The following BCR variants were observed in gnomAD, a reference collection of about 807,000 sequenced individuals.
BCR encodes the protein BCR activator of RhoGEF and GTPase.
In BCR, 58 loss-of-function variants were observed where a neutral mutation model predicts 138.6. The ratio of observed to expected loss-of-function variants is 0.42; its 90% confidence interval spans 0.34 to 0.52. BCR has a LOEUF of 0.52. BCR is among the 20% of genes least tolerant of loss of function. BCR has a pLI of 0.06. For synonymous variants in BCR, 786 were observed against 730.1 expected (o/e 1.08, Z -1.23); for missense variants, 1,599 against 1,727.2 (o/e 0.93, Z 1.32).
intron 15 of BCR, among the ~76,000 whole-genome samples, chr22:23,293,814 C>T (rs1470025905): frequency 2.0e-5 from 3 of 152,232 alleles, no homozygotes; most frequent in Non-Finnish European, 2.9e-5. Context: ...ACACCCACCC[C>T]CTCCCCTATT....
chr22:23,309,972 A>G (rs187883471), intron 17 of BCR: 5 of 384,978 alleles, frequency 1.3e-5, no homozygotes, highest in Non-Finnish European at 2.5e-5. Context: ...GTGCACCTAT[A>G]GTCTCAGCTA....
At chr22:23,241,400 G>A (rs1470876051) in intron 1 of BCR, among the ~76,000 whole-genome samples, 1 of 152,208 alleles carries the variant, frequency 6.6e-6, no homozygotes, top group Non-Finnish European at 1.5e-5. Context: ...ACCCACAGGT[G>A]TGCAGCGGCC....
intron 2 of BCR, among the ~76,000 whole-genome samples, chr22:23,260,112 G>T (rs1250263359): frequency 6.6e-6 from 1 of 152,238 alleles, no homozygotes; most frequent in African/African-American, 2.4e-5. Flanking sequence ...GAATTTGAGT[G>T]GGGAGGGGAG....
chr22:23,313,740 T>C (rs1161265527), intron 20 of BCR, among the ~76,000 whole-genome samples: 4 of 152,146 alleles, frequency 2.6e-5, no homozygotes, highest in Non-Finnish European at 5.9e-5. Context: ...TGCTGCTGTT[T>C]GCCGGGTGCT....
chr22:23,289,968 T>C, intron 13 of BCR: 1 of 503,934 alleles, frequency 2.0e-6, no homozygotes, highest in South Asian at 2.2e-5. Flanking sequence ...CAGCCGGCAC[T>C]TTTGGTCAAG....
chr22:23,282,624 G>A (rs557761752), intron 8 of BCR, among the ~76,000 whole-genome samples: 2 of 152,354 alleles, frequency 1.3e-5, no homozygotes, highest in Middle Eastern at 3.4e-3. Context: ...CAGGCTGCAG[G>A]TGACAGCAGG....
intron 18 of BCR, 111 bp from the exon 19 acceptor site, chr22:23,311,586 C>G: frequency 1.2e-6 from 1 of 831,430 alleles, no homozygotes; most frequent in Non-Finnish European, 1.9e-6. Context: ...ACCTGGGTAC[C>G]TTCGTCACCG....
rs1248658677 is a variant in BCR, at chr22:23,260,996, T to G, written c.1508T>G (p.Leu503Arg). 1 of 1,613,912 alleles carries G rather than the reference T, an allele frequency of 6.2e-7. No homozygotes were observed. Residue 503 changes from leucine to arginine, a missense_variant, in exon 3 of 23, where the codon CTG becomes CGG. By Grantham distance (102) the Leu-to-Arg change is moderately radical (BLOSUM62 -2). Around this residue, in one of 4 missense-constraint regions of BCR, gnomAD observed 590 missense variants for 762.4 expected, o/e 0.77. Transcript: ENST00000305877. ...GGCTTGGAGATGAGAAAATGGGTCC[T>G]GTCGGGAATCCTGGCTAGCGAGGAG... ...EKGLEMRKWV[L>R]SGILASEETY...
chr22:23,228,256 T>C (rs2072915845), intron 1 of BCR, among the ~76,000 whole-genome samples: 1 of 152,250 alleles, frequency 6.6e-6, no homozygotes, highest in African/African-American at 2.4e-5. Flanking sequence ...CTGCTTTAGC[T>C]GCATCCTACA....
chr22:23,192,114 C>T (rs2072423034), intron 1 of BCR, among the ~76,000 whole-genome samples: 1 of 152,188 alleles, frequency 6.6e-6, no homozygotes, highest in South Asian at 2.1e-4. Context: ...AGACCGGACA[C>T]CCCACTGAAG....
At chr22:23,262,576 T>C (rs1359479073) in intron 4 of BCR, among the ~76,000 whole-genome samples, 1 of 152,068 alleles carries the variant, frequency 6.6e-6, no homozygotes, top group Non-Finnish European at 1.5e-5. Flanking sequence ...TCTCCGTGTG[T>C]GTGTCAGCAG....
intron 4 of BCR, chr22:23,263,283 G>A (rs1243068362): frequency 7.9e-6 from 9 of 1,140,384 alleles, no homozygotes; most frequent in Non-Finnish European, 1.2e-5. Context: ...CGGCCGCCTG[G>A]CCCAGGTGTA....
intron 2 of BCR, chr22:23,254,474 G>A (rs534917138): frequency 1.8e-4 from 93 of 518,758 alleles, no homozygotes; most frequent in Non-Finnish European, 1.4e-4. Flanking sequence ...TGAAACTGAA[G>A]TCCAGTGGTG....
At chr22:23,205,167 AG>A (rs2146213263) in intron 1 of BCR, among the ~76,000 whole-genome samples, 1 of 152,254 alleles carries the variant, frequency 6.6e-6, no homozygotes, top group Admixed American at 6.5e-5. Flanking sequence ...GAGCATTCTT[AG>A]TGCCAGTTGG....
rs868630898 is a variant in BCR at position 23,284,400 on chromosome 22, G to T, written c.2237+302G>T. Among the ~76,000 whole-genome samples the T allele has an allele frequency of 1.4e-4, 21 of 152,208 alleles. No homozygotes were observed. The South Asian group carries it at 3.3e-3, about 24-fold the overall frequency. ...AGCGTGAGATCAGGGGCTGCAGGCA[G>T]TGCTGGGTGGTGGCTGCTCCTTGTC... On this transcript the variant is annotated intron_variant, in intron 9 of 22. Coordinates refer to ENST00000305877, the MANE Select transcript of BCR (RefSeq NM_004327.4).
At position 23,314,730 on chromosome 22, in the gene BCR, C is replaced by T; in HGVS notation, c.3726+16C>T. ...CATGTCCCAGGTATGGGAAGACAGG[C>T]TCCAGCCCATGCAACCCTGACCTGA... On this transcript the variant is annotated intron_variant, in intron 22 of 22. Coordinates refer to ENST00000305877, the MANE Select transcript of BCR (RefSeq NM_004327.4). 3 of 1,611,788 alleles carry T rather than the reference C, an allele frequency of 1.9e-6. No individual in the cohort carries two copies. Among genetic ancestry groups the T allele is most frequent in the Non-Finnish European group, 2.5e-6 (3 of 1,179,830 alleles).
intron 2 of BCR, among the ~76,000 whole-genome samples, chr22:23,257,916 T>C (rs533665289): frequency 1.3e-5 from 2 of 152,310 alleles, no homozygotes; most frequent in East Asian, 1.9e-4. Flanking sequence ...GATCCACTCA[T>C]TGATTTATTA....
chr22:23,219,346 G>A (rs1403501910), intron 1 of BCR, among the ~76,000 whole-genome samples: 5 of 152,146 alleles, frequency 3.3e-5, no homozygotes, highest in Admixed American at 2.6e-4. Context: ...TGTTGTTTTA[G>A]CACAAAGCCT....
chr22:23,272,163 C>T (rs1158924548), intron 6 of BCR, among the ~76,000 whole-genome samples: 1 of 152,196 alleles, frequency 6.6e-6, no homozygotes, highest in Non-Finnish European at 1.5e-5. Flanking sequence ...CAAGTTTGGT[C>T]ATAAAGTAAT....
Sources: gnomAD v4.1 joint callset for allele counts (sites outside exome capture counted in the v4.1 genomes callset) on GRCh38, gnomAD v4.1.1 for gene constraint, gnomAD v4.1.1 regional missense constraint, MANE v1.5 for transcripts, NCBI Gene and HGNC (gene_info 2026-07-23, HGNC 2026-07-21) for gene names.